Variants in FOXP1 observed in about 807,000 individuals in gnomAD.
FOXP1 encodes the protein forkhead box protein P1.
In FOXP1, 15 loss-of-function variants were observed where a neutral mutation model predicts 98.2. The observed-to-expected ratio is 0.15, with a 90% CI of 0.10 to 0.24. FOXP1 has a LOEUF of 0.24. Among genes scored for constraint, FOXP1 ranks in the 10% least tolerant of loss-of-function variants. The pLI, the probability that FOXP1 is intolerant of heterozygous loss-of-function variation, is 1.00. For synonymous variants in FOXP1, 371 were observed against 314.5 expected (o/e 1.18, Z -1.90); for missense variants, 633 against 848.5 (o/e 0.75, Z 3.15).
intron 6 of FOXP1, among the ~76,000 whole-genome samples, chr3:71,178,429 C>T (rs1162441759): frequency 5.3e-5 from 8 of 152,034 alleles, no homozygotes; most frequent in Non-Finnish European, 1.2e-4. Flanking sequence ...CCATCGCGCC[C>T]GGCCAGTAAT....
intron 4 of FOXP1, among the ~76,000 whole-genome samples, chr3:71,316,228 G>C (rs1050231822): frequency 1.3e-5 from 2 of 152,148 alleles, no homozygotes; most frequent in Non-Finnish European, 2.9e-5. Context: ...AAATACTTGT[G>C]TACTCGCTGG....
intron 5 of FOXP1, among the ~76,000 whole-genome samples, chr3:71,287,292 C>A (rs375572216): frequency 2.6e-5 from 4 of 152,042 alleles, no homozygotes; most frequent in African/African-American, 7.2e-5. Flanking sequence ...GGGAAAATGG[C>A]GAAACCCTGT....
intron 12 of FOXP1, among the ~76,000 whole-genome samples, chr3:71,002,009 TAAC>T (rs796598578): frequency 6.6e-6 from 1 of 152,134 alleles, no homozygotes; most frequent in African/African-American, 2.4e-5. Context: ...AATACTTCAA[TAAC>T]AACAACAACA....
At chr3:71,250,036 A>T (rs2068058045) in intron 5 of FOXP1, among the ~76,000 whole-genome samples, 1 of 152,222 alleles carries the variant, frequency 6.6e-6, no homozygotes. Flanking sequence ...TGAACTGAGG[A>T]GCTGGGGGCC....
At chr3:71,151,835 G>T (rs1048720707) in intron 6 of FOXP1, among the ~76,000 whole-genome samples, 6 of 152,008 alleles carry the variant, frequency 3.9e-5, no homozygotes, top group African/African-American at 1.4e-4. Context: ...TCTTAGCTCT[G>T]TCTCCTGCTC....
chr3:71,309,813 T>C (rs146586063), intron 4 of FOXP1, among the ~76,000 whole-genome samples: 112 of 152,106 alleles, frequency 7.4e-4, no homozygotes, highest in African/African-American at 2.6e-3. Context: ...ATGATAAAAA[T>C]GTTCTCACAT....
chr3:71,539,762 A>G (rs1457239867), intron 2 of FOXP1, among the ~76,000 whole-genome samples: 5 of 152,152 alleles, frequency 3.3e-5, no homozygotes, highest in Non-Finnish European at 4.4e-5. Context: ...CTTTTTTATT[A>G]GCATAAATTT....
At chr3:71,312,441 A>G (rs1043148268) in intron 4 of FOXP1, among the ~76,000 whole-genome samples, 6 of 152,240 alleles carry the variant, frequency 3.9e-5, no homozygotes, top group African/African-American at 1.2e-4. Context: ...CCTTGGAAGG[A>G]GCTGCTTACT....
chr3:70,966,309 C>T, intron 19 of FOXP1: 2 of 515,988 alleles, frequency 3.9e-6, no homozygotes, highest in Non-Finnish European at 7.1e-6. Flanking sequence ...TCAATTTGGT[C>T]CTGCTTGGTA....
chr3:71,292,541 AC>A (rs1294895444), intron 5 of FOXP1: 1 of 152,044 alleles, frequency 6.6e-6, no homozygotes, highest in Non-Finnish European at 1.5e-5. Context: ...CGCCATGTTG[AC>A]CAGGCTGGTC....
At chr3:71,262,400 T>C (rs2069247728) in intron 5 of FOXP1, among the ~76,000 whole-genome samples, 1 of 151,318 alleles carries the variant, frequency 6.6e-6, no homozygotes, top group African/African-American at 2.4e-5. Context: ...AGGACCTCTT[T>C]GGGGCAGAGG....
At chr3:70,961,165 T>C (rs1364934651) in intron 20 of FOXP1, among the ~76,000 whole-genome samples, 2 of 151,710 alleles carry the variant, frequency 1.3e-5, no homozygotes, top group Admixed American at 6.6e-5. Context: ...CTTAAAAACT[T>C]TGCAAAACAA....
intron 14 of FOXP1, among the ~76,000 whole-genome samples, chr3:70,981,268 A>AGAGAT (rs1316414287): frequency 6.6e-6 from 1 of 151,510 alleles, no homozygotes; most frequent in African/African-American, 2.4e-5. Context: ...CCACAAAGGA[A>AGAGAT]GAGATGAAGG....
intron 11 of FOXP1, among the ~76,000 whole-genome samples, chr3:71,037,037 T>C (rs186478430): frequency 2.5e-3 from 376 of 152,326 alleles, no homozygotes; most frequent in Non-Finnish European, 4.4e-3. Flanking sequence ...ACCAGTTCTA[T>C]GACCCTGGGT....
At chr3:71,245,346 ATTCCT>A (rs1204689420) in intron 5 of FOXP1, 2 of 150,872 alleles carry the variant, frequency 1.3e-5, no homozygotes, top group Non-Finnish European at 3.0e-5. Flanking sequence ...CTTTTCAGCC[ATTCCT>A]ACTAATTTTG....
intron 5 of FOXP1, among the ~76,000 whole-genome samples, chr3:71,214,286 G>C (rs1265520745): frequency 6.6e-6 from 1 of 152,222 alleles, no homozygotes; most frequent in Non-Finnish European, 1.5e-5. Flanking sequence ...AGAAACAGAA[G>C]TCCTTTATCA....
At chr3:71,026,058 T>A (rs1274224474) in intron 11 of FOXP1, among the ~76,000 whole-genome samples, 1 of 152,178 alleles carries the variant, frequency 6.6e-6, no homozygotes, top group Non-Finnish European at 1.5e-5. Flanking sequence ...GAAAAACCTA[T>A]GAAAACATAC....
At chr3:71,069,076 A>G (rs1288985) in intron 7 of FOXP1, among the ~76,000 whole-genome samples, 142,513 of 152,316 alleles carry the variant, frequency 0.94, 67,311 homozygotes, top group Non-Finnish European at 1. Context: ...ACTGTTATGC[A>G]TATGTTGACA....
intron 3 of FOXP1, among the ~76,000 whole-genome samples, chr3:71,431,039 T>A (rs749762898): frequency 6.6e-6 from 1 of 152,134 alleles, no homozygotes; most frequent in Non-Finnish European, 1.5e-5. Flanking sequence ...AGGTGCATGG[T>A]GGACAGAACC....
Sources: allele counts gnomAD v4.1 joint callset (sites outside exome capture counted in the v4.1 genomes callset), GRCh38; gene constraint gnomAD v4.1.1; transcripts MANE v1.5; gene names NCBI Gene and HGNC (gene_info 2026-07-23, HGNC 2026-07-21).